Variants in PDE6A observed in about 807,000 individuals in gnomAD.
PDE6A encodes the protein rod cGMP-specific 3',5'-cyclic phosphodiesterase subunit alpha.
A neutral mutation model predicts 106.3 loss-of-function variants in PDE6A; 84 were observed. The ratio of observed to expected loss-of-function variants is 0.79; its 90% CI spans 0.66 to 0.95. PDE6A has a LOEUF of 0.95. Among genes scored for constraint, PDE6A ranks in the 40% least tolerant of loss-of-function variants. The pLI, the probability that PDE6A is intolerant of heterozygous loss-of-function variation, is 0.00. For missense variants in PDE6A, 1,052 were observed against 1,084.9 expected (o/e 0.97, Z 0.43); for synonymous variants, 394 against 386.6 (o/e 1.02, Z -0.23).
In PDE6A at chr5:149,883,523, A is replaced by G. The variant is rs1227735847; in HGVS notation, c.2041T>C (p.Phe681Leu). The G allele has an allele frequency of 1.2e-6, 2 of 1,611,588 alleles. No homozygotes were observed. Among genetic ancestry groups the G allele is most frequent in the Non-Finnish European group, 1.7e-6 (2 of 1,177,784 alleles). Reference sequence around the variant, plus strand: ...TTAGACTGATCCACGATCTTTTGGAACATCGTCCTCTTCCTACAAAACATA... The same window carrying G: ...TTAGACTGATCCACGATCTTTTGGAGCATCGTCCTCTTCCTACAAAACATA... Reference protein sequence around the residue: ...LALYFKKRTMFQKIVDQSKTY... With the variant: ...LALYFKKRTMLQKIVDQSKTY... Residue 681 changes from phenylalanine to leucine, a missense_variant, in exon 17 of 22, where the codon TTC (phenylalanine) becomes CTC (leucine). Phe to Leu is a conservative substitution (Grantham distance 22). Coordinates refer to ENST00000255266, the MANE Select transcript of PDE6A (RefSeq NM_000440.3).
chr5:149,932,413 G>C, intron 3 of PDE6A: 1 of 1,365,540 alleles, frequency 7.3e-7, no homozygotes, highest in East Asian at 2.3e-5. Flanking sequence ...TTTAGTGCGA[G>C]GAGTTTAAAG....
chr5:149,888,414 T>A (rs1159004741), intron 13 of PDE6A, among the ~76,000 whole-genome samples: 3 of 150,130 alleles, frequency 2.0e-5, no homozygotes, highest in South Asian at 2.1e-4. Flanking sequence ...CTAATTAATA[T>A]AAGGATATAT....
chr5:149,884,263 T>G (rs1207375143), intron 16 of PDE6A, among the ~76,000 whole-genome samples: 8 of 147,106 alleles, frequency 5.4e-5, no homozygotes, highest in African/African-American at 1.3e-4. Context: ...TATATGTGTA[T>G]ATATATGTAT....
intron 3 of PDE6A, chr5:149,932,258 G>T: frequency 1.4e-6 from 2 of 1,418,388 alleles, no homozygotes; most frequent in Non-Finnish European, 2.0e-6. Context: ...GTCCATTTTG[G>T]CGAACAGCAG....
At chr5:149,933,056 G>A (rs1281073498) in intron 3 of PDE6A, among the ~76,000 whole-genome samples, 3 of 152,142 alleles carry the variant, frequency 2.0e-5, no homozygotes, top group Non-Finnish European at 4.4e-5. Flanking sequence ...ACAGTAGCAC[G>A]ATCATAGCTC....
At chr5:149,937,799 G>A (rs73269794) in intron 1 of PDE6A, among the ~76,000 whole-genome samples, 212 of 152,220 alleles carry the variant, frequency 1.4e-3, no homozygotes, top group African/African-American at 5.0e-3. Flanking sequence ...TATTTACTGA[G>A]TAATAATGAC....
intron 8 of PDE6A, among the ~76,000 whole-genome samples, chr5:149,903,170 A>G (rs1276603344): frequency 6.8e-6 from 1 of 147,028 alleles, no homozygotes; most frequent in Non-Finnish European, 1.5e-5. Context: ...AAAAAAAAAC[A>G]AAAGAAAACA....
chr5:149,903,339 G>A lies in PDE6A; in HGVS notation c.1113+309C>T, dbSNP rs921812545. On this transcript the variant is annotated intron_variant, in intron 8 of 21. Coordinates refer to ENST00000255266, the MANE Select transcript of PDE6A (RefSeq NM_000440.3). ...GTATAATTGTATACATTATATAATT[G>A]TATATATATTGTATAATTGTATAAT... Among the ~76,000 whole-genome samples, 17 of 148,576 alleles carry A rather than the reference G, an allele frequency of 1.1e-4. No individual in the cohort carries two copies. In the East Asian group the frequency reaches 2.5e-3, roughly 22 times the overall value.
At chr5:149,885,066 G>A (rs1752238850) in intron 14 of PDE6A, among the ~76,000 whole-genome samples, 199 bp from the exon 15 acceptor site, 1 of 152,106 alleles carries the variant, frequency 6.6e-6, no homozygotes. Flanking sequence ...ATGCCATAAG[G>A]GATTTTAGGG....
At chr5:149,942,797 C>T in intron 1 of PDE6A, among the ~76,000 whole-genome samples, 1 of 151,852 alleles carries the variant, frequency 6.6e-6, no homozygotes, top group East Asian at 1.9e-4. Context: ...TTGATGTGCA[C>T]GGAGGCCAGG....
In PDE6A at chr5:149,907,485, C is replaced by A. The variant is rs111721631; in HGVS notation, c.999-107G>T. On this transcript the variant is annotated intron_variant, in intron 6 of 21. Coordinates refer to ENST00000255266, the MANE Select transcript of PDE6A (RefSeq NM_000440.3). ...CCCTGCTCTCAGGTGGCTCTCAGCA[C>A]CTGCTTACATTCACTACACCTGACC... 2.2e-4 allele frequency: 189 copies of A among 842,962 alleles called. No homozygotes were observed. In the African/African-American group the frequency reaches 2.6e-3, roughly 12 times the overall value. 52.2% of individuals were successfully genotyped at this position (842,962 alleles called of 1,614,324 possible). A position where few individuals can be genotyped will look rare whatever the true frequency, so the allele number is the denominator to read the frequency against.
At chr5:149,928,110 T>C (rs1041074806) in intron 4 of PDE6A, among the ~76,000 whole-genome samples, 2 of 148,812 alleles carry the variant, frequency 1.3e-5, no homozygotes, top group African/African-American at 4.9e-5. Flanking sequence ...TCTAAAATAA[T>C]GGAAAAAAGT....
intron 1 of PDE6A, among the ~76,000 whole-genome samples, chr5:149,940,796 C>A (rs1754308396): frequency 6.6e-6 from 1 of 152,174 alleles, no homozygotes; most frequent in African/African-American, 2.4e-5. Context: ...CTGCGCCCGG[C>A]CTACCTGTTT....
intron 17 of PDE6A, among the ~76,000 whole-genome samples, chr5:149,872,693 G>A (rs1026529728): frequency 1.3e-5 from 2 of 152,174 alleles, no homozygotes; most frequent in Admixed American, 6.5e-5. Flanking sequence ...AGACCCTGCC[G>A]GGGAAGGCCT....
chr5:149,877,403 C>T (rs1482186203), intron 17 of PDE6A, among the ~76,000 whole-genome samples: 1 of 152,022 alleles, frequency 6.6e-6, no homozygotes, highest in African/African-American at 2.4e-5. Context: ...CATAGTAAGA[C>T]CTTTATTTGT....
intron 13 of PDE6A, among the ~76,000 whole-genome samples, chr5:149,888,793 G>A (rs1428078848): frequency 1.3e-5 from 2 of 151,884 alleles, no homozygotes; most frequent in African/African-American, 4.8e-5. Flanking sequence ...GCTAAGATTG[G>A]AAGAAAATGG....
rs199669417 is a variant in PDE6A, at chr5:149,860,964, T to C, written c.2514A>G (p.Ala838=). ...QKQQSAKSAA[A]GNQPGGNPSP... ...TGGGGTTTCCCCCCGGCTGATTTCC[T>C]GCGGCTGCTGCAATGAAACAGGAAA... The change falls in exon 22 of 22, where the codon GCA becomes GCG. Residue 838 remains alanine, a synonymous_variant. Coordinates refer to ENST00000255266, the MANE Select transcript of PDE6A (RefSeq NM_000440.3). The C allele has an allele frequency of 5.0e-6, 8 of 1,614,054 alleles. No individual in the cohort carries two copies. In the East Asian group the frequency reaches 6.7e-5, roughly 13 times the overall value.
Position 149,903,637 on chromosome 5 carries a change from A to C in PDE6A, c.1113+11T>G. 1 of 1,610,278 alleles carries C rather than the reference A, an allele frequency of 6.2e-7. No homozygotes were observed. The highest frequency in any genetic ancestry group is 1.1e-5 in the South Asian group (1 of 91,026). On this transcript the variant is annotated intron_variant, in intron 8 of 21. Coordinates refer to ENST00000255266, the MANE Select transcript of PDE6A (RefSeq NM_000440.3). ...TCATATGACTAAGACTGCAAATAAA[A>C]AATGACTTACCTGAAATGCAAAAAA... is the stretch of plus-strand genomic sequence containing the variant.
intron 21 of PDE6A, among the ~76,000 whole-genome samples, chr5:149,862,865 G>A (rs1303079742): frequency 6.6e-6 from 1 of 152,224 alleles, no homozygotes; most frequent in Admixed American, 6.5e-5. Flanking sequence ...CAGAGTCTGT[G>A]CTATGTTGGT....
Sources: gnomAD v4.1 joint callset for allele counts (sites outside exome capture counted in the v4.1 genomes callset) on GRCh38, gnomAD v4.1.1 for gene constraint, MANE v1.5 for transcripts, NCBI Gene and HGNC (gene_info 2026-07-23, HGNC 2026-07-21) for gene names.